Variants in JAG2 observed in about 807,000 individuals in gnomAD.
JAG2 encodes the protein jagged canonical Notch ligand 2, also known as protein jagged-2.
Under a neutral mutation model 141.7 loss-of-function variants are expected in JAG2, and 46 were observed. That is an observed-to-expected ratio of 0.32 (90% CI 0.26 to 0.42). The LOEUF (loss-of-function observed/expected upper bound fraction) is 0.42. JAG2 is among the 10% of genes least tolerant of loss of function. The probability of loss-of-function intolerance (pLI) is 1.00; values close to 1 mark genes in which losing one functional copy is unlikely to be tolerated. For synonymous variants in JAG2, 862 were observed against 763.5 expected, an observed-to-expected ratio of 1.13 and a Z score of -2.13; for missense variants, 1,500 against 1,817.5, an observed-to-expected ratio of 0.83 and a Z score of 3.18.
Position 105,147,542 on chromosome 14 carries a change from G to A in JAG2, c.2366-15C>T, listed in dbSNP as rs1293641856. On this transcript the variant is annotated splice_polypyrimidine_tract_variant and intron_variant, in intron 18 of 25. Coordinates refer to ENST00000331782, the MANE Select transcript of JAG2 (RefSeq NM_002226.5). ...GTCGTTGGTATCTGGTTTGGGAGAAGAGAACGCAGGGGATCAGTACCCACC... is the reference window on the plus strand; with the variant it reads ...GTCGTTGGTATCTGGTTTGGGAGAAAAGAACGCAGGGGATCAGTACCCACC... The A allele has an allele frequency of 1.2e-6, 2 of 1,610,912 alleles. No individual in the cohort carries two copies. The highest frequency in any genetic ancestry group is 1.7e-5 in the Admixed American group (1 of 60,020).
chr14:105,144,470 C>T (rs587710400), intron 24 of JAG2, among the ~76,000 whole-genome samples: 61 of 152,286 alleles, frequency 4.0e-4, no homozygotes, highest in South Asian at 2.1e-3. Context: ...TGCACACCCA[C>T]CCACCATGTT....
chr14:105,166,118 G>A (rs1888901621), intron 2 of JAG2, among the ~76,000 whole-genome samples: 1 of 152,234 alleles, frequency 6.6e-6, no homozygotes, highest in South Asian at 2.1e-4. Flanking sequence ...GGAACCGGCT[G>A]GAAGCAAGAG....
At position 105,168,369 on chromosome 14, in the gene JAG2, CCA is replaced by C; in HGVS notation, c.50_51del (p.Leu17ArgfsTer34). The C allele has an allele frequency of 9.9e-7, 1 of 1,012,358 alleles. No homozygotes were observed. Among genetic ancestry groups the C allele is most frequent in the Non-Finnish European group, 1.2e-6 (1 of 820,446 alleles). 62.7% of individuals were successfully genotyped at this position (1,012,358 alleles called of 1,614,324 possible). On this transcript the variant is annotated frameshift_variant, in exon 1 of 26. Coordinates refer to ENST00000331782, the MANE Select transcript of JAG2 (RefSeq NM_002226.5). LOFTEE classifies it high-confidence loss of function. ...GCCCCGCTCACCTGCACCCAGAGCG[CCA>C]GCAGCAGCAGCAGCCGCCGGGGAAG... ...GRLPRRLLLLLALWVQAARPM... is the reference protein window; with the variant it reads ...GRLPRRLLLLXALWVQAARPM...
Position 105,142,478 on chromosome 14 carries a change from G to C in JAG2, c.*217C>G. 1.8e-6 allele frequency: 1 copy of C among 564,310 alleles called. No homozygotes were observed. The highest frequency in any genetic ancestry group is 3.1e-6 in the Non-Finnish European group (1 of 318,600). 35.0% of individuals were successfully genotyped at this position (564,310 alleles called of 1,614,324 possible). ...CACGCACGGAAACTTTACAAAAATA[G>C]CAACTATCCGAGAATACTCCATTGT... On this transcript the variant is annotated 3_prime_UTR_variant, in exon 26 of 26. Transcript: ENST00000331782.
In JAG2 at chr14:105,156,605, C is replaced by T. The variant is rs908196960; in HGVS notation, c.476-616G>A. On this transcript the variant is annotated intron_variant, in intron 3 of 25. Coordinates refer to ENST00000331782, the MANE Select transcript of JAG2 (RefSeq NM_002226.5). Reference sequence around the variant, plus strand: ...GGGCCAGGGGCACCACAGCTGCTGGCGCTGGTATGCAAAGTCCGTGATGCC... The same window carrying T: ...GGGCCAGGGGCACCACAGCTGCTGGTGCTGGTATGCAAAGTCCGTGATGCC... Among the ~76,000 whole-genome samples the T allele has an allele frequency of 4.6e-5, 7 of 152,160 alleles. No individual in the cohort carries two copies. The South Asian group carries it at 1.4e-3, about 32-fold the overall frequency.
At chr14:105,152,130 G>A in intron 6 of JAG2, 31 bp downstream of exon 6, 7 of 1,613,536 alleles carry the variant, frequency 4.3e-6, no homozygotes, top group Non-Finnish European at 5.9e-6. Flanking sequence ...TTCGATGGCA[G>A]AGCATTAGGC....
At chr14:105,151,593 G>A in intron 8 of JAG2, 33 bp downstream of exon 8, 1 of 1,530,068 alleles carries the variant, frequency 6.5e-7, no homozygotes, top group South Asian at 1.2e-5. Flanking sequence ...CTGATACTAG[G>A]CAGGAGTCCC....
rs1163025278 is a variant in JAG2 at position 105,144,971 on chromosome 14, C to T, written c.3043G>A (p.Asp1015Asn). Residue 1015 changes from aspartate (D) to asparagine (N), a missense_variant, in exon 24 of 26, where the codon GAC (aspartate) becomes AAC (asparagine). By Grantham distance (23) the Asp-to-Asn change is conservative (BLOSUM62 1). Coordinates refer to ENST00000331782, the MANE Select transcript of JAG2 (RefSeq NM_002226.5). Reference protein sequence around the residue: ...ARDRLLVLLCDRASSGASAVE... With the variant: ...ARDRLLVLLCNRASSGASAVE... ...GCACTGGCCCCCGAGGACGCCCGGT[C>T]GCAAAGCAACACCAGCAGGCGGTCC... The T allele has an allele frequency of 5.6e-6, 9 of 1,606,680 alleles. No homozygotes were observed. The highest frequency in any genetic ancestry group is 1.3e-5 in the African/African-American group (1 of 74,904).
Position 105,146,432 on chromosome 14 carries a change from C to T in JAG2, c.2662G>A (p.Asp888Asn), listed in dbSNP as rs775886072. ...TCCAGGCAGCGGCAGCTGTTGCAGTCTTCCACCCAGGAGCTTCCGTGTGGG... is the reference window on the plus strand; with the variant it reads ...TCCAGGCAGCGGCAGCTGTTGCAGTTTTCCACCCAGGAGCTTCCGTGTGGG... Reference protein sequence around the residue: ...PFPHGSSWVEDCNSCRCLDGR... With the variant: ...PFPHGSSWVENCNSCRCLDGR... The change falls in exon 22 of 26, where the codon GAC becomes AAC. Residue 888 changes from aspartate to asparagine, a missense_variant. Asp to Asn is a conservative substitution (Grantham distance 23). Around this residue, in one of 3 missense-constraint regions of JAG2, gnomAD observed 875 missense variants for 1,202.2 expected, o/e 0.73. Coordinates refer to ENST00000331782, the MANE Select transcript of JAG2 (RefSeq NM_002226.5). The T allele has an allele frequency of 6.2e-7, 1 of 1,612,764 alleles. No individual in the cohort carries two copies.
In JAG2 at chr14:105,154,233, G is replaced by C. The variant is rs1595181602; in HGVS notation, c.788+1329C>G. Among the ~76,000 whole-genome samples, 1 of 152,164 alleles carries C rather than the reference G, an allele frequency of 6.6e-6. No homozygotes were observed. The highest frequency in any genetic ancestry group is 2.4e-5 in the African/African-American group (1 of 41,430). On this transcript the variant is annotated intron_variant, in intron 5 of 25. Transcript: ENST00000331782. This position sits in a 1 kb window ranked among gnomAD's most constrained non-coding sequence, Gnocchi z 4.4. ...CTGGGGAAATCAGTAGGCTCTCTGT[G>C]CCCCAGTGTCCTCGTCCCATGGAGG... is the stretch of plus-strand genomic sequence containing the variant.
chr14:105,149,311 C>T lies in JAG2; in HGVS notation c.1612G>A (p.Asp538Asn), dbSNP rs9972231. The T allele has an allele frequency of 0.13, 213,709 of 1,612,528 alleles. 15,743 individuals are homozygous for T. Among genetic ancestry groups the T allele is most frequent in the South Asian group, 0.24 (21,974 of 91,074 alleles). The part of the protein sequence containing the change: ...FSGPLCEVDV[D>N]LCEPSPCRNG... ...CGGCAGGGGCTTGGCTCACAAAGGT[C>T]GACATCCACCTGCAGGGTGGGGGGT... The change falls in exon 13 of 26, where the codon GAC becomes AAC. Residue 538 changes from aspartate to asparagine, a missense_variant. By Grantham distance (23) the Asp-to-Asn change is conservative (BLOSUM62 1). This residue lies in a region of JAG2 where 875 missense variants were observed against 1,202.2 expected (regional missense o/e 0.73). Coordinates refer to ENST00000331782, the MANE Select transcript of JAG2 (RefSeq NM_002226.5).
chr14:105,163,091 CGACT>C (rs1888805827), intron 2 of JAG2, among the ~76,000 whole-genome samples: 1 of 152,200 alleles, frequency 6.6e-6, no homozygotes, highest in Non-Finnish European at 1.5e-5. Flanking sequence ...ACCAACGCCC[CGACT>C]TGGTTTCTTC....
At chr14:105,163,593 T>C (rs1410150488) in intron 2 of JAG2, among the ~76,000 whole-genome samples, 1 of 138,222 alleles carries the variant, frequency 7.2e-6, no homozygotes, top group African/African-American at 3.1e-5. Flanking sequence ...AGGCCTGTGG[T>C]CTGGGGACAG....
rs1282693225 is a variant in JAG2 at position 105,141,535 on chromosome 14, C to T, written c.*1160G>A. 3 of 152,220 alleles carry T rather than the reference C, an allele frequency of 2.0e-5. No individual in the cohort carries two copies. The highest frequency in any genetic ancestry group is 2.9e-5 in the Non-Finnish European group (2 of 68,054). The allele number at this position is 152,220 out of a possible 1,614,324, so 9.4% of individuals were successfully genotyped here. A position where few individuals can be genotyped will look rare whatever the true frequency, so the allele number is the denominator to read the frequency against. ...GGAAGGTTTTGGCCAAACCTGCATC[C>T]ACCACCTTGGCATGCCAACGCATTC... On this transcript the variant is annotated 3_prime_UTR_variant, in exon 26 of 26. Coordinates refer to ENST00000331782, the MANE Select transcript of JAG2 (RefSeq NM_002226.5).
intron 16 of JAG2, 43 bp downstream of exon 16, chr14:105,148,283 T>TCCTGGGGGCAGCCCCAGGCGGCCAGGGC: frequency 1.9e-6 from 3 of 1,583,588 alleles, no homozygotes; most frequent in Middle Eastern, 1.7e-4. Context: ...AGGGCCAGGG[T>TCCTGGGGGCAGCCCCAGGCGGCCAGGGC]CCTGGGGGCA....
intron 2 of JAG2, among the ~76,000 whole-genome samples, chr14:105,163,547 G>C (rs1472255105): frequency 6.6e-6 from 1 of 151,920 alleles, no homozygotes; most frequent in African/African-American, 2.4e-5. Flanking sequence ...TAGGAATCCC[G>C]CTCAGGCCTG....
At chr14:105,150,085 T>C (rs928818522) in intron 12 of JAG2, among the ~76,000 whole-genome samples, 4 of 43,196 alleles carry the variant, frequency 9.3e-5, no homozygotes, top group East Asian at 2.0e-3. Context: ...GTAGGGGTGG[T>C]GGGGAAGGGG....
intron 23 of JAG2, 86 bp downstream of exon 23, chr14:105,145,645 T>C: frequency 6.6e-7 from 1 of 1,506,140 alleles, no homozygotes; most frequent in Non-Finnish European, 9.0e-7. Flanking sequence ...AGGGCCTCCC[T>C]GCCCTGCGGG....
At chr14:105,145,703 C>T in intron 23 of JAG2, 28 bp downstream of exon 23, 1 of 1,576,574 alleles carries the variant, frequency 6.3e-7, no homozygotes, top group Non-Finnish European at 8.6e-7. Flanking sequence ...GTGGCCTCTG[C>T]AAGCTCAGAT....
Sources: gnomAD v4.1 joint callset for allele counts (sites outside exome capture counted in the v4.1 genomes callset) on GRCh38, gnomAD v4.1.1 for gene constraint, gnomAD v4.1.1 regional missense constraint, Gnocchi (gnomAD v3.1) non-coding constraint, MANE v1.5 for transcripts, NCBI Gene and HGNC (gene_info 2026-07-23, HGNC 2026-07-21) for gene names.